TNFRSF13B: variants seen among roughly 807,000 people sequenced by gnomAD.
The protein encoded by TNFRSF13B is TNF receptor superfamily member 13B.
In TNFRSF13B, 34 loss-of-function variants were observed where a neutral mutation model predicts 24.0. The ratio of observed to expected loss-of-function variants is 1.41; its 90% CI spans 1.08 to 1.88. TNFRSF13B has a LOEUF of 1.88. TNFRSF13B is among the 40% of genes most tolerant of loss of function. The pLI is 0.00. For synonymous variants in TNFRSF13B, 173 were observed against 150.3 expected, an observed-to-expected ratio of 1.15 and a Z score of -1.10; for missense variants, 415 against 380.8, an observed-to-expected ratio of 1.09 and a Z score of -0.75.
intron 1 of TNFRSF13B, among the ~76,000 whole-genome samples, chr17:16,957,587 T>C (rs996966036): frequency 6.6e-6 from 1 of 150,916 alleles, no homozygotes; most frequent in African/African-American, 2.4e-5. Context: ...CCAGAGAGAA[T>C]TGTGAAAGCA....
At chr17:16,955,208 A>C (rs2087616337) in intron 1 of TNFRSF13B, among the ~76,000 whole-genome samples, 1 of 152,234 alleles carries the variant, frequency 6.6e-6, no homozygotes, top group South Asian at 2.1e-4. Flanking sequence ...ACCAATGGCC[A>C]AGGGTCACCT....
intron 1 of TNFRSF13B, among the ~76,000 whole-genome samples, chr17:16,960,476 A>T (rs2087654717): frequency 6.6e-6 from 1 of 152,224 alleles, no homozygotes; most frequent in Non-Finnish European, 1.5e-5. Flanking sequence ...ACCCGATCTT[A>T]TATGTAGAAA....
intron 1 of TNFRSF13B, among the ~76,000 whole-genome samples, chr17:16,966,193 G>T (rs1047628585): frequency 6.6e-6 from 1 of 151,626 alleles, no homozygotes; most frequent in Non-Finnish European, 1.5e-5. Flanking sequence ...GGGGGAAGTT[G>T]CAGTGAGCCG....
At chr17:16,949,653 A>G (rs553718914) in intron 2 of TNFRSF13B, among the ~76,000 whole-genome samples, 77 of 151,882 alleles carry the variant, frequency 5.1e-4, no homozygotes, top group Non-Finnish European at 1.0e-3. Context: ...TGGAACAATC[A>G]ATTATCTTAT....
At chr17:16,963,124 C>T (rs965566721) in intron 1 of TNFRSF13B, among the ~76,000 whole-genome samples, 1 of 152,320 alleles carries the variant, frequency 6.6e-6, no homozygotes, top group Middle Eastern at 3.4e-3. Flanking sequence ...CCAGCGTCCT[C>T]CCCTGTAAGA....
chr17:16,955,632 C>T (rs1212569739), intron 1 of TNFRSF13B, among the ~76,000 whole-genome samples: 1 of 152,210 alleles, frequency 6.6e-6, no homozygotes, highest in Non-Finnish European at 1.5e-5. Context: ...TACAGTCTCA[C>T]AAACTAGGGT....
rs778373143 is a variant in TNFRSF13B at position 16,972,003 on chromosome 17, CCG to C, written c.61+10_61+11del. 6.8e-6 allele frequency: 11 copies of C among 1,613,996 alleles called. No homozygotes were observed. The highest frequency in any genetic ancestry group is 9.3e-6 in the Non-Finnish European group (11 of 1,180,018). On this transcript the variant is annotated intron_variant, in intron 1 of 4. Transcript: ENST00000261652. Reference sequence around the variant, plus strand: ...CCCACCTGCCCTCCTGCCCTCCTGCCCGGCTACTCACAGCGCTCCTCCTGGTC... The same window carrying C: ...CCCACCTGCCCTCCTGCCCTCCTGCCGCTACTCACAGCGCTCCTCCTGGTC...
intron 3 of TNFRSF13B, among the ~76,000 whole-genome samples, chr17:16,948,329 CG>C (rs896294513): frequency 1.8e-4 from 28 of 151,800 alleles, no homozygotes; most frequent in African/African-American, 6.8e-4. Context: ...CATGTACCCC[CG>C]GATCTAAAAA....
intron 1 of TNFRSF13B, among the ~76,000 whole-genome samples, chr17:16,968,666 T>G (rs1031147067): frequency 2.0e-5 from 3 of 152,174 alleles, no homozygotes; most frequent in African/African-American, 4.8e-5. Context: ...TGACACCAAA[T>G]GTGCGTGTGA....
At chr17:16,942,468 C>T (rs188409695) in intron 3 of TNFRSF13B, among the ~76,000 whole-genome samples, 53 of 152,264 alleles carry the variant, frequency 3.5e-4, no homozygotes, top group Admixed American at 5.2e-4. Flanking sequence ...GGGGTGAGTT[C>T]GTGTCACTCC....
intron 3 of TNFRSF13B, 118 bp from the exon 4 acceptor site, chr17:16,940,629 T>C: frequency 6.6e-7 from 1 of 1,524,502 alleles, no homozygotes; most frequent in East Asian, 2.5e-5. Flanking sequence ...CTGGAGAGGC[T>C]GGGCTCCTTT....
chr17:16,954,012 G>A (rs183166198), intron 1 of TNFRSF13B, among the ~76,000 whole-genome samples: 8 of 152,312 alleles, frequency 5.3e-5, no homozygotes, highest in Admixed American at 2.0e-4. Flanking sequence ...TGATCCGCCC[G>A]AGTCGGCCTC....
chr17:16,955,995 G>A (rs533401654), intron 1 of TNFRSF13B, among the ~76,000 whole-genome samples: 4 of 152,124 alleles, frequency 2.6e-5, no homozygotes, highest in East Asian at 3.9e-4. Flanking sequence ...CTGAGGGGCC[G>A]GCACAAAGGA....
In TNFRSF13B at chr17:16,939,751, T is replaced by G; in HGVS notation, c.678A>C (p.Pro226=). Residue 226 remains proline (P), a synonymous_variant, in exon 5 of 5, where the codon CCA becomes CCC. Transcript: ENST00000261652. ...GGAAGCAGAAGCTGCAGGTCTCCAC[T>G]GGCTCGGGGGATGTGCTCACAGGGC... The part of the protein sequence containing the change: ...AGSPVSTSPE[P]VETCSFCFPE... 6.2e-7 allele frequency: 1 copy of G among 1,609,900 alleles called. No individual in the cohort carries two copies. Among genetic ancestry groups the G allele is most frequent in the Non-Finnish European group, 8.5e-7 (1 of 1,177,642 alleles).
intron 2 of TNFRSF13B, 58 bp downstream of exon 2, chr17:16,952,388 T>C: frequency 1.2e-6 from 2 of 1,611,838 alleles, no homozygotes; most frequent in South Asian, 2.2e-5. Flanking sequence ...GAGGGTGCTC[T>C]AGGGAGAAAG....
chr17:16,956,584 A>T (rs1235435885), intron 1 of TNFRSF13B, among the ~76,000 whole-genome samples: 1 of 150,770 alleles, frequency 6.6e-6, no homozygotes, highest in Non-Finnish European at 1.5e-5. Flanking sequence ...AAGAAGTGGT[A>T]AAAAAAGGAA....
At chr17:16,968,472 G>A (rs2087720978) in intron 1 of TNFRSF13B, among the ~76,000 whole-genome samples, 1 of 152,200 alleles carries the variant, frequency 6.6e-6, no homozygotes, top group South Asian at 2.1e-4. Flanking sequence ...AAAGAATAGT[G>A]TTTTCAAAAA....
At chr17:16,957,095 G>C (rs7219040) in intron 1 of TNFRSF13B, among the ~76,000 whole-genome samples, 7,529 of 141,390 alleles carry the variant, frequency 0.053, 474 homozygotes, top group African/African-American at 0.16. Context: ...GAGGCTGTGC[G>C]GGGGGATGTG....
Position 16,943,904 on chromosome 17 carries a change from C to T in TNFRSF13B, c.446-3393G>A, listed in dbSNP as rs537874943. Among the ~76,000 whole-genome samples the T allele has an allele frequency of 1.1e-3, 175 of 152,342 alleles. 1 individual carries two copies. Among genetic ancestry groups the T allele is most frequent in the Non-Finnish European group, 2.1e-3 (142 of 68,034 alleles). On this transcript the variant is annotated intron_variant, in intron 3 of 4. Transcript: ENST00000261652. ...CACTCCCTGCACCTGCCCCGGAGCC[C>T]GGGCAGGAAGCTCCTCGCGTCGGCC...
Sources: allele counts gnomAD v4.1 joint callset (sites outside exome capture counted in the v4.1 genomes callset), GRCh38; gene constraint gnomAD v4.1.1; transcripts MANE v1.5; gene names NCBI Gene and HGNC (gene_info 2026-07-23, HGNC 2026-07-21).